The following RNLS variants were observed in gnomAD, a reference collection of about 807,000 sequenced individuals.
The protein encoded by RNLS is renalase, FAD dependent amine oxidase.
Under a neutral mutation model 39.8 loss-of-function variants are expected in RNLS, and 39 were observed. The observed-to-expected ratio is 0.98, with a 90% CI of 0.76 to 1.28. The LOEUF (loss-of-function observed/expected upper bound fraction) is 1.28, where lower values mean the gene tolerates loss of function less well. RNLS is among the 50% of genes most tolerant of loss of function. The pLI is 0.00. For missense variants in RNLS, 410 were observed against 413.3 expected (o/e 0.99, Z 0.07); for synonymous variants, 147 against 150.7 (o/e 0.98, Z 0.18).
rs531815868 is a variant in RNLS at position 88,353,955 on chromosome 10, C to T, written c.700+8597G>A. Among the ~76,000 whole-genome samples, 5 of 152,232 alleles carry T rather than the reference C, an allele frequency of 3.3e-5. No homozygotes were observed. The South Asian group carries it at 1.0e-3, about 32-fold the overall frequency. ...CTTCTTGTTGAATTGATCCCTTTACCATTATGTAATGGTCTTCTTTGTCTC... is the reference window on the plus strand; with the variant it reads ...CTTCTTGTTGAATTGATCCCTTTACTATTATGTAATGGTCTTCTTTGTCTC... On this transcript the variant is annotated intron_variant, in intron 5 of 6. Coordinates refer to ENST00000331772, the MANE Select transcript of RNLS (RefSeq NM_001031709.3).
At chr10:88,434,759 T>C (rs552750137) in intron 4 of RNLS, among the ~76,000 whole-genome samples, 21 of 152,252 alleles carry the variant, frequency 1.4e-4, no homozygotes, top group African/African-American at 4.8e-4. Flanking sequence ...TTGAGATTCT[T>C]GGGTACATTC....
At chr10:88,381,019 G>A (rs975394048) in intron 4 of RNLS, among the ~76,000 whole-genome samples, 3 of 152,062 alleles carry the variant, frequency 2.0e-5, no homozygotes, top group Admixed American at 6.6e-5. Context: ...CTACAAAAGT[G>A]CCATTTTATT....
At chr10:88,581,828 C>A in intron 2 of RNLS, 119 bp from the exon 3 acceptor site, 1 of 609,124 alleles carries the variant, frequency 1.6e-6, no homozygotes, top group Non-Finnish European at 2.6e-6. Flanking sequence ...TAGATATCTT[C>A]CTATGAATAT....
At chr10:88,329,246 G>A (rs1210790665) in intron 5 of RNLS, among the ~76,000 whole-genome samples, 3 of 151,846 alleles carry the variant, frequency 2.0e-5, no homozygotes, top group Non-Finnish European at 4.4e-5. Context: ...TAGAGACAGG[G>A]TCTTGCTATG....
intron 4 of RNLS, among the ~76,000 whole-genome samples, chr10:88,504,934 G>T (rs1322130971): frequency 6.6e-6 from 1 of 151,532 alleles, no homozygotes; most frequent in Non-Finnish European, 1.5e-5. Flanking sequence ...AAATGGGGAT[G>T]CCAATAGGAT....
chr10:88,325,038 A>C (rs1450163209), intron 5 of RNLS, among the ~76,000 whole-genome samples: 1 of 152,120 alleles, frequency 6.6e-6, no homozygotes, highest in Admixed American at 6.6e-5. Context: ...TTGCTTATCC[A>C]TTCACCCTTC....
intron 4 of RNLS, among the ~76,000 whole-genome samples, chr10:88,420,229 T>C (rs568588189): frequency 2.0e-5 from 3 of 152,166 alleles, no homozygotes; most frequent in Admixed American, 1.3e-4. Context: ...TTATACATAA[T>C]ATCATGTAAA....
At chr10:88,270,196 G>A (rs1289748822), downstream of RNLS, among the ~76,000 whole-genome samples, 3 of 152,150 alleles carry the variant, frequency 2.0e-5, no homozygotes, top group Non-Finnish European at 2.9e-5. Flanking sequence ...TATAATCTCC[G>A]TTGATCGACC....
intron 4 of RNLS, among the ~76,000 whole-genome samples, chr10:88,528,501 T>C (rs532195980): frequency 3.9e-5 from 6 of 152,216 alleles, no homozygotes; most frequent in African/African-American, 1.2e-4. Context: ...TAATGAAAGA[T>C]GTGAGCTCTG....
At chr10:88,200,709 C>G in the RNLS span, among the ~76,000 whole-genome samples, 1 of 152,196 alleles carries the variant, frequency 6.6e-6, no homozygotes, top group East Asian at 1.9e-4. Context: ...TGAGAAGGAA[C>G]TAAAGGGACA....
chr10:88,511,316 C>T (rs1846109991), intron 4 of RNLS, among the ~76,000 whole-genome samples: 2 of 152,034 alleles, frequency 1.3e-5, no homozygotes, highest in African/African-American at 4.8e-5. Flanking sequence ...AAGAGAAGAG[C>T]CCATGATAAT....
chr10:88,573,139 G>T, intron 3 of RNLS, 78 bp from the exon 4 acceptor site: 1 of 1,401,892 alleles, frequency 7.1e-7, no homozygotes, highest in South Asian at 1.3e-5. Flanking sequence ...GTCACAAACT[G>T]AATCCATTCA....
chr10:88,212,572 G>T, the RNLS span, among the ~76,000 whole-genome samples: 1 of 151,954 alleles, frequency 6.6e-6, no homozygotes, highest in Non-Finnish European at 1.5e-5. Context: ...ACTATTCTAG[G>T]GCTGATTCTC....
the RNLS span, among the ~76,000 whole-genome samples, chr10:88,241,781 A>T: frequency 2.0e-5 from 3 of 152,196 alleles, no homozygotes; most frequent in Non-Finnish European, 4.4e-5. Context: ...CGGCAATATC[A>T]GATTCCTTCT....
At chr10:88,216,345 C>G in the RNLS span, among the ~76,000 whole-genome samples, 1 of 152,190 alleles carries the variant, frequency 6.6e-6, no homozygotes, top group Non-Finnish European at 1.5e-5. Flanking sequence ...TCAGGCACAG[C>G]TGGATCTAGG....
chr10:88,350,058 G>A (rs954968680), intron 5 of RNLS, among the ~76,000 whole-genome samples: 1 of 151,914 alleles, frequency 6.6e-6, no homozygotes, highest in African/African-American at 2.4e-5. Flanking sequence ...AAGCCCAAAC[G>A]GGAAACCTGA....
At chr10:88,185,702 G>C in the RNLS span, among the ~76,000 whole-genome samples, 2 of 151,794 alleles carry the variant, frequency 1.3e-5, no homozygotes. Flanking sequence ...CCAAATCCTA[G>C]ATACTTCAAG....
chr10:88,583,184 G>C lies in RNLS; in HGVS notation c.7C>G (p.Gln3Glu), dbSNP rs774628098. 5 of 1,613,894 alleles carry C rather than the reference G, an allele frequency of 3.1e-6. No individual in the cohort carries two copies. The highest frequency in any genetic ancestry group is 4.2e-6 in the Non-Finnish European group (5 of 1,179,932). ...ATCCCGGCGCCCACGATCAGCACCT[G>C]CGCCATGGCGAGAGGGAGCAGCGAT... MA[Q>E]VLIVGAGMTG... is the part of the protein sequence containing the mutation. The change falls in exon 1 of 7, where the codon CAG becomes GAG. Residue 3 changes from glutamine to glutamate, a missense_variant. By Grantham distance (29) the Gln-to-Glu change is conservative (BLOSUM62 2). Transcript: ENST00000331772.
chr10:88,249,506 T>C, the RNLS span, among the ~76,000 whole-genome samples: 3 of 152,196 alleles, frequency 2.0e-5, no homozygotes, highest in African/African-American at 7.2e-5. Flanking sequence ...AGATGGTTTA[T>C]CTCTTGGCCT....
Sources: allele counts gnomAD v4.1 joint callset (sites outside exome capture counted in the v4.1 genomes callset), GRCh38; gene constraint gnomAD v4.1.1; transcripts MANE v1.5; gene names NCBI Gene and HGNC (gene_info 2026-07-23, HGNC 2026-07-21).